Variants in KCTD8 observed in about 807,000 individuals in gnomAD.
KCTD8 encodes BTB/POZ domain-containing protein KCTD8.
A neutral mutation model predicts 31.5 loss-of-function variants in KCTD8; 27 were observed. The observed-to-expected ratio is 0.86, with a 90% CI of 0.63 to 1.18. The LOEUF (loss-of-function observed/expected upper bound fraction) is 1.18, where lower values mean the gene tolerates loss of function less well. Among genes scored for constraint, KCTD8 ranks in the 50% most tolerant of loss-of-function variants. KCTD8 has a pLI of 0.00. For synonymous variants in KCTD8, 290 were observed against 280.0 expected (o/e 1.04, Z -0.36); for missense variants, 658 against 647.7 (o/e 1.02, Z -0.17).
intron 1 of KCTD8, among the ~76,000 whole-genome samples, chr4:44,409,160 G>C (rs548012535): frequency 6.6e-6 from 1 of 151,188 alleles, no homozygotes; most frequent in East Asian, 2.0e-4. Flanking sequence ...GGAGAATCAA[G>C]GATGTGGTGA....
chr4:44,435,511 T>C (rs1721621275), intron 1 of KCTD8, among the ~76,000 whole-genome samples: 1 of 152,012 alleles, frequency 6.6e-6, no homozygotes, highest in Non-Finnish European at 1.5e-5. Flanking sequence ...GAAATCCTAC[T>C]TCTTGTACTT....
chr4:44,284,498 A>T (rs1351639615), intron 1 of KCTD8, among the ~76,000 whole-genome samples: 2 of 152,244 alleles, frequency 1.3e-5, no homozygotes, highest in Non-Finnish European at 2.9e-5. Context: ...CTTAAATGTA[A>T]GATCTAGGAT....
rs148682514 is a variant in KCTD8 at position 44,283,470 on chromosome 4, G to T, written c.962-108220C>A. Reference sequence around the variant, plus strand: ...AGGACAGGTTGACTCTCTTGTTAGGGTCTAATGCAGCTTATGATTTTAAGT... The same window carrying T: ...AGGACAGGTTGACTCTCTTGTTAGGTTCTAATGCAGCTTATGATTTTAAGT... On this transcript the variant is annotated intron_variant, in intron 1 of 1. Coordinates refer to ENST00000360029, the MANE Select transcript of KCTD8 (RefSeq NM_198353.3). 2.7e-3 allele frequency among the ~76,000 whole-genome samples: 407 copies of T among 152,194 alleles called. 1 individual carries two copies. The highest frequency in any genetic ancestry group is 4.2e-3 in the Non-Finnish European group (289 of 68,014).
At chr4:44,292,248 A>G (rs1717302552) in intron 1 of KCTD8, among the ~76,000 whole-genome samples, 1 of 152,322 alleles carries the variant, frequency 6.6e-6, no homozygotes, top group Admixed American at 6.5e-5. Flanking sequence ...AGTGGACTGC[A>G]TAAAGAAAAT....
intron 1 of KCTD8, among the ~76,000 whole-genome samples, chr4:44,280,927 A>G (rs559645531): frequency 6.6e-6 from 1 of 152,192 alleles, no homozygotes; most frequent in East Asian, 1.9e-4. Context: ...GTATAGCTAG[A>G]GGTAGCTTAG....
chr4:44,254,168 T>C (rs1715926384), intron 1 of KCTD8, among the ~76,000 whole-genome samples: 1 of 151,892 alleles, frequency 6.6e-6, no homozygotes. Flanking sequence ...CAAGAATGTG[T>C]TCAGAGAGAG....
At chr4:44,366,955 T>C (rs1186760037) in intron 1 of KCTD8, among the ~76,000 whole-genome samples, 2 of 152,150 alleles carry the variant, frequency 1.3e-5, no homozygotes, top group African/African-American at 2.4e-5. Context: ...ATTGCTGTTA[T>C]GGTAAAGATA....
intron 1 of KCTD8, among the ~76,000 whole-genome samples, chr4:44,355,970 T>A (rs4600951): frequency 6.6e-6 from 1 of 152,024 alleles, no homozygotes; most frequent in East Asian, 1.9e-4. Context: ...TTATCATCAA[T>A]AATCACTAGC....
At chr4:44,365,438 TG>T (rs1719606374) in intron 1 of KCTD8, among the ~76,000 whole-genome samples, 1 of 152,112 alleles carries the variant, frequency 6.6e-6, no homozygotes, top group African/African-American at 2.4e-5. Context: ...TATTAATCAC[TG>T]AAATATTTTA....
chr4:44,245,231 G>C (rs756575783), intron 1 of KCTD8, among the ~76,000 whole-genome samples: 3 of 151,928 alleles, frequency 2.0e-5, no homozygotes, highest in African/African-American at 7.3e-5. Context: ...GGTAAGAGAG[G>C]GAATAGGGAG....
intron 1 of KCTD8, among the ~76,000 whole-genome samples, chr4:44,349,864 T>C (rs572415044): frequency 6.6e-6 from 1 of 152,260 alleles, no homozygotes; most frequent in East Asian, 1.9e-4. Flanking sequence ...AATTTTTAAA[T>C]TGGCATCCAA....
chr4:44,223,155 A>G (rs1714856656), intron 1 of KCTD8, among the ~76,000 whole-genome samples: 1 of 152,166 alleles, frequency 6.6e-6, no homozygotes, highest in South Asian at 2.1e-4. Flanking sequence ...AGGCCCCAGA[A>G]AAACGTCTGA....
rs768176904 is a variant in KCTD8, at chr4:44,448,056, G to A, written c.468C>T (p.Leu156=). ...GGTCGCTCTGGCAGCCCTCGTCGTT[G>A]AGAGAGTTCTGCTTGGTGACCTTGG... ...LSPKVTKQNS[L]NDEGCQSDLE... is the part of the protein sequence containing the mutation. The change falls in exon 1 of 2, where the codon CTC becomes CTT. Residue 156 remains leucine, a synonymous_variant. Transcript: ENST00000360029. This position sits in a 1 kb window ranked among gnomAD's most constrained non-coding sequence, Gnocchi z 4.1. 2 of 1,612,078 alleles carry A rather than the reference G, an allele frequency of 1.2e-6. No individual in the cohort carries two copies. The highest frequency in any genetic ancestry group is 1.7e-5 in the Admixed American group (1 of 59,936).
chr4:44,357,929 G>T (rs1349824294), intron 1 of KCTD8, among the ~76,000 whole-genome samples: 1 of 151,460 alleles, frequency 6.6e-6, no homozygotes, highest in African/African-American at 2.4e-5. Flanking sequence ...TTTAAGTTCT[G>T]GGATACAAGT....
At chr4:44,305,283 TC>T (rs1294859625) in intron 1 of KCTD8, among the ~76,000 whole-genome samples, 3 of 151,444 alleles carry the variant, frequency 2.0e-5, no homozygotes, top group Non-Finnish European at 4.4e-5. Context: ...AAATAATCTC[TC>T]CCCCTAAAAG....
At chr4:44,252,768 T>C (rs1366307835) in intron 1 of KCTD8, among the ~76,000 whole-genome samples, 1 of 151,800 alleles carries the variant, frequency 6.6e-6, no homozygotes, top group African/African-American at 2.4e-5. Flanking sequence ...ATTTTACATC[T>C]ACAATCACAC....
intron 1 of KCTD8, among the ~76,000 whole-genome samples, chr4:44,231,012 G>A (rs990844676): frequency 5.9e-5 from 9 of 152,212 alleles, no homozygotes; most frequent in African/African-American, 2.2e-4. Context: ...TATAAATTTG[G>A]TCCTAAATTC....
intron 1 of KCTD8, among the ~76,000 whole-genome samples, chr4:44,180,582 T>TGCACACACAC (rs200270284): frequency 6.0e-4 from 87 of 145,280 alleles, no homozygotes; most frequent in African/African-American, 2.2e-3. Flanking sequence ...TCAGTATACA[T>TGCACACACAC]ACATGCACAC....
chr4:44,319,987 C>T (rs2109405291), intron 1 of KCTD8, among the ~76,000 whole-genome samples: 2 of 151,888 alleles, frequency 1.3e-5, no homozygotes, highest in East Asian at 3.9e-4. Flanking sequence ...GCCTGGCCAA[C>T]AGGGTGAAAC....
Sources: gnomAD v4.1 joint callset for allele counts (sites outside exome capture counted in the v4.1 genomes callset) on GRCh38, gnomAD v4.1.1 for gene constraint, Gnocchi (gnomAD v3.1) non-coding constraint, MANE v1.5 for transcripts, NCBI Gene and HGNC (gene_info 2026-07-23, HGNC 2026-07-21) for gene names.